THSD7A: variants seen among roughly 807,000 people sequenced by gnomAD.
THSD7A encodes the protein thrombospondin type-1 domain-containing protein 7A.
Under a neutral mutation model 231.3 loss-of-function variants are expected in THSD7A, and 96 were observed. The observed-to-expected ratio is 0.41, with a 90% confidence interval of 0.35 to 0.49. The LOEUF is 0.49. Ranked by LOEUF, THSD7A falls within the 20% of genes least tolerant of loss-of-function variation. The probability of loss-of-function intolerance (pLI) is 0.05; values close to 1 mark genes in which losing one functional copy is unlikely to be tolerated. For missense variants in THSD7A, 2,290 were observed against 2,070.2 expected (o/e 1.11, Z -2.06); for synonymous variants, 940 against 743.3 (o/e 1.26, Z -4.30).
intron 6 of THSD7A, among the ~76,000 whole-genome samples, chr7:11,512,125 G>A (rs1289656452): frequency 6.6e-6 from 1 of 152,084 alleles, no homozygotes; most frequent in African/African-American, 2.4e-5. Flanking sequence ...GTAGGCGAGG[G>A]ATATGAACAG....
chr7:11,620,644 G>A (rs977347578), intron 2 of THSD7A, among the ~76,000 whole-genome samples: 3 of 152,164 alleles, frequency 2.0e-5, no homozygotes, highest in Non-Finnish European at 4.4e-5. Context: ...GAGGAGGAAA[G>A]GGTAGGGGAA....
chr7:11,421,545 C>T (rs953805272), intron 16 of THSD7A, among the ~76,000 whole-genome samples: 2 of 152,154 alleles, frequency 1.3e-5, no homozygotes, highest in African/African-American at 4.8e-5. Context: ...ATTAATACAT[C>T]TCTCTTCCTT....
chr7:11,405,695 C>T (rs1783559052), intron 22 of THSD7A, among the ~76,000 whole-genome samples: 1 of 152,208 alleles, frequency 6.6e-6, no homozygotes, highest in African/African-American at 2.4e-5. Flanking sequence ...TGCATGCACT[C>T]ATTGTGTCTA....
intron 23 of THSD7A, among the ~76,000 whole-genome samples, chr7:11,388,487 T>C (rs1782852439): frequency 6.6e-6 from 1 of 152,248 alleles, no homozygotes. Context: ...TAGAGGTGTT[T>C]ATAGTATTCT....
intron 16 of THSD7A, among the ~76,000 whole-genome samples, chr7:11,420,361 G>T (rs539474174): frequency 2.3e-3 from 356 of 152,314 alleles, no homozygotes; most frequent in Non-Finnish European, 4.0e-3. Flanking sequence ...AGTCTCTCCA[G>T]CTCCAGCCAT....
intron 1 of THSD7A, among the ~76,000 whole-genome samples, chr7:11,663,830 C>G (rs1269799121): frequency 6.6e-6 from 1 of 151,524 alleles, no homozygotes. Context: ...ATACAAGAAT[C>G]TCAATTTTGT....
intron 1 of THSD7A, among the ~76,000 whole-genome samples, chr7:11,655,023 A>G (rs1257712302): frequency 6.6e-6 from 1 of 151,882 alleles, no homozygotes; most frequent in Non-Finnish European, 1.5e-5. Flanking sequence ...TCTTCCAACC[A>G]TCAGAAGTTA....
intron 13 of THSD7A, among the ~76,000 whole-genome samples, chr7:11,445,765 C>T (rs1305441081): frequency 1.3e-5 from 2 of 152,104 alleles, no homozygotes; most frequent in East Asian, 3.9e-4. Context: ...TGTACAGGCT[C>T]TTGATAAGCT....
chr7:11,811,243 A>G (rs1399260697), intron 1 of THSD7A, among the ~76,000 whole-genome samples: 1 of 152,110 alleles, frequency 6.6e-6, no homozygotes, highest in African/African-American at 2.4e-5. Flanking sequence ...CACACACACG[A>G]AACAATGCCA....
rs1172409289 is a variant in THSD7A at position 11,373,142 on chromosome 7, TC to T, written c.*2651del. On this transcript the variant is annotated 3_prime_UTR_variant, in exon 28 of 28. Coordinates refer to ENST00000423059, the MANE Select transcript of THSD7A (RefSeq NM_015204.3). ...TTAATTTATGAATAAAATGTATTTT[TC>T]ATAACATTCTATAATTTTGATTTGC... 3.3e-5 allele frequency: 5 copies of T among 151,986 alleles called. No individual in the cohort carries two copies. The highest frequency in any genetic ancestry group is 1.2e-4 in the African/African-American group (5 of 41,414). 9.4% of individuals were successfully genotyped at this position (151,986 alleles called of 1,614,324 possible).
At chr7:11,596,133 G>T (rs986106094) in intron 2 of THSD7A, among the ~76,000 whole-genome samples, 1 of 152,178 alleles carries the variant, frequency 6.6e-6, no homozygotes, top group African/African-American at 2.4e-5. Context: ...AAGGGAGGCT[G>T]GGTCCCCTTG....
At chr7:11,657,353 G>A (rs181401833) in intron 1 of THSD7A, among the ~76,000 whole-genome samples, 2 of 151,800 alleles carry the variant, frequency 1.3e-5, no homozygotes, top group African/African-American at 2.4e-5. Context: ...CCAGGAATAG[G>A]GAAGGATATA....
chr7:11,458,631 A>T (rs1785391737), intron 11 of THSD7A, among the ~76,000 whole-genome samples: 1 of 152,118 alleles, frequency 6.6e-6, no homozygotes, highest in African/African-American at 2.4e-5. Flanking sequence ...AGTAATAGGA[A>T]ATCAAAAATG....
intron 16 of THSD7A, among the ~76,000 whole-genome samples, chr7:11,422,219 A>G (rs1305262290): frequency 6.6e-6 from 1 of 152,170 alleles, no homozygotes. Context: ...AGAAAAAGTC[A>G]GTGAAAAAAA....
intron 23 of THSD7A, among the ~76,000 whole-genome samples, chr7:11,397,427 C>T (rs1040975311): frequency 6.6e-6 from 1 of 152,162 alleles, no homozygotes; most frequent in Non-Finnish European, 1.5e-5. Flanking sequence ...GGATTAAAGA[C>T]GTAAACCCAA....
chr7:11,744,683 A>G, intron 1 of THSD7A, among the ~76,000 whole-genome samples: 1 of 146,898 alleles, frequency 6.8e-6, no homozygotes, highest in Non-Finnish European at 1.5e-5. Flanking sequence ...ATGAGTGAGA[A>G]CATGCGGTGT....
intron 1 of THSD7A, among the ~76,000 whole-genome samples, chr7:11,674,898 T>A (rs533917869): frequency 6.6e-6 from 1 of 152,162 alleles, no homozygotes; most frequent in South Asian, 2.1e-4. Context: ...AGTTGAAACC[T>A]AATCCAATGA....
rs1034437510 is a variant in THSD7A at position 11,371,625 on chromosome 7, G to C, written c.*4169C>G. ...TCTCCCTTCTGTATGGTACTGAAAAGTACAGTCCTCCCTCACTGTCTTGTG... is the reference window on the plus strand; with the variant it reads ...TCTCCCTTCTGTATGGTACTGAAAACTACAGTCCTCCCTCACTGTCTTGTG... On this transcript the variant is annotated 3_prime_UTR_variant, in exon 28 of 28. Transcript: ENST00000423059. 1.3e-5 allele frequency: 2 copies of C among 152,034 alleles called. No homozygotes were observed. The highest frequency in any genetic ancestry group is 4.8e-5 in the African/African-American group (2 of 41,394). The allele number at this position is 152,034 out of a possible 1,614,324, so 9.4% of individuals were successfully genotyped here.
intron 1 of THSD7A, among the ~76,000 whole-genome samples, chr7:11,646,018 T>C (rs183990592): frequency 2.6e-5 from 4 of 152,038 alleles, no homozygotes; most frequent in Admixed American, 2.0e-4. Flanking sequence ...CTCATGCAAA[T>C]AAGGGGATGC....
Sources: gnomAD v4.1 joint callset for allele counts (sites outside exome capture counted in the v4.1 genomes callset) on GRCh38, gnomAD v4.1.1 for gene constraint, MANE v1.5 for transcripts, NCBI Gene and HGNC (gene_info 2026-07-23, HGNC 2026-07-21) for gene names.